PLD5: variants seen among roughly 807,000 people sequenced by gnomAD.
The protein encoded by PLD5 is inactive phospholipase D5.
In PLD5, 36 loss-of-function variants were observed where a neutral mutation model predicts 61.1. That is an observed-to-expected ratio of 0.59 (90% confidence interval 0.45 to 0.78). The LOEUF (loss-of-function observed/expected upper bound fraction) is 0.78, where lower values mean the gene tolerates loss of function less well. PLD5 is among the 30% of genes least tolerant of loss of function. The probability of loss-of-function intolerance (pLI) is 0.00; values close to 1 mark genes in which losing one functional copy is unlikely to be tolerated. For synonymous variants in PLD5, 243 were observed against 242.8 expected (o/e 1.00, Z -0.01); for missense variants, 515 against 644.4 (o/e 0.80, Z 2.17).
Position 242,117,653 on chromosome 1 carries a change from A to G in PLD5, c.934-3627T>C, listed in dbSNP as rs1271684153. Among the ~76,000 whole-genome samples, 6 of 152,210 alleles carry G rather than the reference A, an allele frequency of 3.9e-5. No individual in the cohort carries two copies. In the East Asian group the frequency reaches 1.2e-3, roughly 29 times the overall value. ...CTCGGCCTCCCAAAGTGCTGGGATT[A>G]CAGGTATGAGCTACCACGCCTGGCA... On this transcript the variant is annotated intron_variant, in intron 6 of 9. Coordinates refer to ENST00000536534, the MANE Select transcript of PLD5 (RefSeq NM_001372062.1).
chr1:242,410,194 G>C (rs113361109), intron 1 of PLD5, among the ~76,000 whole-genome samples: 1 of 152,050 alleles, frequency 6.6e-6, no homozygotes, highest in Admixed American at 6.6e-5. Flanking sequence ...CTCCTCCTGC[G>C]GTCAATTTAA....
At chr1:242,282,408 T>C (rs1309504444) in intron 3 of PLD5, among the ~76,000 whole-genome samples, 1 of 152,148 alleles carries the variant, frequency 6.6e-6, no homozygotes. Context: ...TGTGTAGAGG[T>C]AGGATCCAGG....
intron 5 of PLD5, among the ~76,000 whole-genome samples, chr1:242,185,752 A>G (rs1425419679): frequency 6.6e-6 from 1 of 152,206 alleles, no homozygotes; most frequent in Non-Finnish European, 1.5e-5. Context: ...GAATGAAAAG[A>G]ATAAACCTCT....
chr1:242,221,665 T>C (rs1219468006), intron 4 of PLD5, among the ~76,000 whole-genome samples: 1 of 152,182 alleles, frequency 6.6e-6, no homozygotes, highest in African/African-American at 2.4e-5. Context: ...CACATGTTTC[T>C]CTGCCTCCAG....
At chr1:242,124,990 G>C (rs1662673367) in intron 5 of PLD5, among the ~76,000 whole-genome samples, 1 of 151,886 alleles carries the variant, frequency 6.6e-6, no homozygotes, top group East Asian at 1.9e-4. Context: ...CAATCAGGTG[G>C]CAAGAAAAAG....
intron 1 of PLD5, among the ~76,000 whole-genome samples, chr1:242,497,972 TA>T (rs1668426459): frequency 6.6e-6 from 1 of 151,840 alleles, no homozygotes; most frequent in Non-Finnish European, 1.5e-5. Context: ...TTTATTTATT[TA>T]ATTTTTTTTG....
chr1:242,412,559 A>G (rs1664614185), intron 1 of PLD5, among the ~76,000 whole-genome samples: 4 of 152,212 alleles, frequency 2.6e-5, no homozygotes, highest in Admixed American at 2.6e-4. Flanking sequence ...AACTATGTAT[A>G]TGAAATCGTA....
At chr1:242,485,974 CT>C (rs1320419700) in intron 1 of PLD5, among the ~76,000 whole-genome samples, 6 of 152,074 alleles carry the variant, frequency 3.9e-5, no homozygotes, top group African/African-American at 1.4e-4. Flanking sequence ...AAAGGATTCC[CT>C]ATTTAATAAA....
At chr1:242,337,245 A>G (rs1200357996) in intron 2 of PLD5, among the ~76,000 whole-genome samples, 2 of 152,258 alleles carry the variant, frequency 1.3e-5, no homozygotes, top group African/African-American at 2.4e-5. Flanking sequence ...CTATTTTCAT[A>G]GAAGTATAAA....
rs71498868 is a variant in PLD5 at position 242,264,102 on chromosome 1, T to C, written c.607+1235A>G. Among the ~76,000 whole-genome samples the C allele has an allele frequency of 8.3e-3, 1,258 of 151,400 alleles. 5 individuals carry two copies. Among genetic ancestry groups the C allele is most frequent in the Non-Finnish European group, 0.013 (902 of 67,912 alleles). ...AGGACCCTCGGTTAACCAAAAGTAATCAATTCCTCAGAAAAAAAAAAAGTG... is the reference window on the plus strand; with the variant it reads ...AGGACCCTCGGTTAACCAAAAGTAACCAATTCCTCAGAAAAAAAAAAAGTG... On this transcript the variant is annotated intron_variant, in intron 4 of 9. Coordinates refer to ENST00000536534, the MANE Select transcript of PLD5 (RefSeq NM_001372062.1).
In PLD5 at chr1:242,138,004, A is replaced by G. The variant is rs1406336139; in HGVS notation, c.736-13339T>C. On this transcript the variant is annotated intron_variant, in intron 5 of 9. Transcript: ENST00000536534. ...ATGAATTAGATGTCTGAGGGTAGTT[A>G]TAGCACAGAAAGCAGTCTGGTAACC... 2.6e-5 allele frequency among the ~76,000 whole-genome samples: 4 copies of G among 152,236 alleles called. No homozygotes were observed. The East Asian group carries it at 7.7e-4, about 29-fold the overall frequency.
At chr1:242,394,949 T>TTATATATGAATATATAAA (rs1663400621) in intron 1 of PLD5, among the ~76,000 whole-genome samples, 14 of 67,186 alleles carry the variant, frequency 2.1e-4, no homozygotes, top group South Asian at 5.5e-4. Flanking sequence ...ATATATATGA[T>TTATATATGAATATATAAA]TATATATGAA....
At chr1:242,113,864 T>C (rs755362646) in intron 7 of PLD5, 26 bp downstream of exon 7, 85 of 1,608,640 alleles carry the variant, frequency 5.3e-5, no homozygotes, top group Non-Finnish European at 6.7e-5. Flanking sequence ...GACTGGGTTC[T>C]AACCAGAGGC....
At chr1:242,100,209 G>A (rs1052396829) in intron 9 of PLD5, among the ~76,000 whole-genome samples, 13 of 152,182 alleles carry the variant, frequency 8.5e-5, no homozygotes, top group Admixed American at 1.3e-4. Context: ...TACAGAGTGG[G>A]ACATTTGGAA....
chr1:242,344,183 G>A (rs562652624), intron 2 of PLD5, among the ~76,000 whole-genome samples: 3 of 152,306 alleles, frequency 2.0e-5, no homozygotes, highest in African/African-American at 7.2e-5. Flanking sequence ...TTCCAATTCA[G>A]GATCAACCAG....
chr1:242,091,207 C>T (rs931463316), intron 9 of PLD5, among the ~76,000 whole-genome samples: 1 of 152,156 alleles, frequency 6.6e-6, no homozygotes, highest in African/African-American at 2.4e-5. Flanking sequence ...GATCCTGTCT[C>T]TCAATAGAGT....
chr1:242,349,125 G>A (rs1363345436), intron 1 of PLD5, among the ~76,000 whole-genome samples: 4 of 152,166 alleles, frequency 2.6e-5, no homozygotes, highest in Admixed American at 1.3e-4. Context: ...TGAAAGGCAG[G>A]ACAGCTGGAA....
intron 2 of PLD5, among the ~76,000 whole-genome samples, chr1:242,315,454 A>G (rs1387889623): frequency 6.6e-6 from 1 of 152,160 alleles, no homozygotes; most frequent in East Asian, 1.9e-4. Context: ...ACGTTCGGGA[A>G]ATACAGAAGA....
chr1:242,487,991 A>G (rs1329185011), intron 1 of PLD5, among the ~76,000 whole-genome samples: 2 of 152,142 alleles, frequency 1.3e-5, no homozygotes, highest in East Asian at 1.9e-4. Flanking sequence ...GTTTTTTAAA[A>G]CATGTATGTA....
Sources: allele counts gnomAD v4.1 joint callset (sites outside exome capture counted in the v4.1 genomes callset), GRCh38; gene constraint gnomAD v4.1.1; transcripts MANE v1.5; gene names NCBI Gene and HGNC (gene_info 2026-07-23, HGNC 2026-07-21).